Variants in EPAS1 observed in about 807,000 individuals in gnomAD.
EPAS1 encodes endothelial PAS domain-containing protein 1.
Under a neutral mutation model 87.9 loss-of-function variants are expected in EPAS1, and 23 were observed. That is an observed-to-expected ratio of 0.26 (90% CI 0.19 to 0.37). The LOEUF is 0.37. EPAS1 is among the 10% of genes least tolerant of loss of function. The pLI is 1.00. For synonymous variants in EPAS1, 508 were observed against 444.3 expected, an observed-to-expected ratio of 1.14 and a Z score of -1.80; for missense variants, 1,138 against 1,120.7, an observed-to-expected ratio of 1.02 and a Z score of -0.22.
At chr2:46,306,327 T>G (rs1397435773) in intron 1 of EPAS1, among the ~76,000 whole-genome samples, 1 of 152,220 alleles carries the variant, frequency 6.6e-6, no homozygotes, top group African/African-American at 2.4e-5. Context: ...AAGACCAGCA[T>G]GCTTTCCTTC....
rs1684967432 is a variant in EPAS1 at position 46,384,519 on chromosome 2, C to T, written c.2472C>T (p.Ser824=). 6.2e-7 allele frequency: 1 copy of T among 1,614,218 alleles called. No individual in the cohort carries two copies. Among genetic ancestry groups the T allele is most frequent in the Non-Finnish European group, 8.5e-7 (1 of 1,180,048 alleles). ...CAACCCTTCTTTCAGGCATGGCAAG[C>T]CGGCTGCTCGGGCCCTCATTTGAGT... ...SSAHKVSGMA[S]RLLGPSFESY... is the part of the protein sequence containing the mutation. Residue 824 remains serine, a synonymous_variant, in exon 16 of 16, where the codon AGC becomes AGT. Transcript: ENST00000263734.
At chr2:46,302,118 CTGTGTGTG>C (rs35880089) in intron 1 of EPAS1, among the ~76,000 whole-genome samples, 9 of 127,578 alleles carry the variant, frequency 7.1e-5, no homozygotes, top group East Asian at 2.5e-4. Context: ...CTCTTTCTCT[CTGTGTGTG>C]TGTGTGTGTG....
intron 4 of EPAS1, among the ~76,000 whole-genome samples, chr2:46,358,769 G>A (rs1684323450): frequency 1.3e-5 from 2 of 152,318 alleles, no homozygotes; most frequent in South Asian, 4.1e-4. Flanking sequence ...TTCACTGAAG[G>A]TGCCAGCCTA....
At chr2:46,369,756 G>C in intron 6 of EPAS1, 71 bp from the exon 7 acceptor site, 1 of 1,115,770 alleles carries the variant, frequency 9.0e-7, no homozygotes, top group Non-Finnish European at 1.3e-6. Flanking sequence ...TCTGGGGTTA[G>C]CTCCTGCCCA....
intron 1 of EPAS1, among the ~76,000 whole-genome samples, chr2:46,301,441 G>A (rs1162997454): frequency 6.6e-6 from 1 of 152,078 alleles, no homozygotes; most frequent in Non-Finnish European, 1.5e-5. Flanking sequence ...GCCGGGCGTG[G>A]TGGTGGGTGC....
Position 46,381,632 on chromosome 2 carries a change from G to T in EPAS1, c.2082G>T (p.Val694=), listed in dbSNP as rs1684893973. Residue 694 remains valine (V), a synonymous_variant, in exon 13 of 16, where the codon GTG becomes GTT. Coordinates refer to ENST00000263734, the MANE Select transcript of EPAS1 (RefSeq NM_001430.5). ...AKGFGARGPD[V]LSPAMVALSN... ...GTTTTGGGGCTCGAGGCCCAGACGT[G>T]CTGAGTCCGGCCATGGTAGCCCTCT... 6.2e-7 allele frequency: 1 copy of T among 1,614,008 alleles called. No individual in the cohort carries two copies. Among genetic ancestry groups the T allele is most frequent in the Non-Finnish European group, 8.5e-7 (1 of 1,180,040 alleles).
Position 46,378,066 on chromosome 2 carries a change from C to T in EPAS1, c.1422C>T (p.Ser474=), listed in dbSNP as rs1293640518. ...GCAGCACCACCCCCAGTGCCACCAG[C>T]AGCAGCAGCAGCTGCTCCACGGTGA... is the stretch of plus-strand genomic sequence containing the variant. The part of the protein sequence containing the change: ...APGSTTPSAT[S]SSSSCSTPNS... Residue 474 remains serine, a synonymous_variant, in exon 10 of 16, where the codon AGC becomes AGT. Transcript: ENST00000263734. 5 of 1,605,002 alleles carry T rather than the reference C, an allele frequency of 3.1e-6. No homozygotes were observed. The East Asian group carries it at 1.1e-4, about 36-fold the overall frequency.
At chr2:46,372,088 T>C (rs1011363400) in intron 7 of EPAS1, among the ~76,000 whole-genome samples, 5 of 152,200 alleles carry the variant, frequency 3.3e-5, no homozygotes, top group African/African-American at 1.2e-4. Flanking sequence ...TTTTACTGAA[T>C]CCGTGTATTT....
intron 6 of EPAS1, among the ~76,000 whole-genome samples, chr2:46,362,070 C>T (rs543557978): frequency 5.9e-5 from 9 of 152,302 alleles, no homozygotes; most frequent in African/African-American, 1.9e-4. Flanking sequence ...AGCAGCACCC[C>T]CCGCATGCGC....
At chr2:46,327,701 A>G (rs760969382) in intron 1 of EPAS1, among the ~76,000 whole-genome samples, 2 of 152,250 alleles carry the variant, frequency 1.3e-5, no homozygotes, top group Non-Finnish European at 1.5e-5. Flanking sequence ...TGACAATTCC[A>G]TTAGAATATA....
chr2:46,352,630 C>A (rs1684192539), intron 2 of EPAS1, among the ~76,000 whole-genome samples: 1 of 152,176 alleles, frequency 6.6e-6, no homozygotes, highest in Admixed American at 6.5e-5. Context: ...TTTTCACTCT[C>A]AGCTCCAAGC....
chr2:46,385,374 AAG>A lies in EPAS1; in HGVS notation c.*717_*718del, dbSNP rs886056096. On this transcript the variant is annotated 3_prime_UTR_variant, in exon 16 of 16. Coordinates refer to ENST00000263734, the MANE Select transcript of EPAS1 (RefSeq NM_001430.5). ...TCAAAAACATAACTGAGTTTTTTAA[AAG>A]AGGAGAAAATTTATATCTGGGTTAA... 9 of 152,560 alleles carry A rather than the reference AAG, an allele frequency of 5.9e-5. No homozygotes were observed. The highest frequency in any genetic ancestry group is 1.3e-4 in the Admixed American group (2 of 15,284). The allele number at this position is 152,560 out of a possible 1,614,324, so 9.5% of individuals were successfully genotyped here.
intron 6 of EPAS1, among the ~76,000 whole-genome samples, chr2:46,364,296 A>C (rs560800334): frequency 3.5e-4 from 54 of 152,366 alleles, no homozygotes; most frequent in African/African-American, 1.2e-3. Flanking sequence ...AATCTGAAGA[A>C]AATGTATGGC....
chr2:46,382,608 C>G lies in EPAS1; in HGVS notation c.2461+10C>G. ...GCCCACAAGGTGTCAGGTGGGTGTG[C>G]CCAGGATCTGTCACCCCCATCCCAG... is the stretch of plus-strand genomic sequence containing the variant. On this transcript the variant is annotated intron_variant, in intron 15 of 15. Coordinates refer to ENST00000263734, the MANE Select transcript of EPAS1 (RefSeq NM_001430.5). 2 of 1,613,982 alleles carry G rather than the reference C, an allele frequency of 1.2e-6. No individual in the cohort carries two copies. Among genetic ancestry groups the G allele is most frequent in the South Asian group, 2.2e-5 (2 of 91,088 alleles).
rs112054622 is a variant in EPAS1 at position 46,382,564 on chromosome 2, G to C, written c.2427G>C (p.Gln809His). The change falls in exon 15 of 16, where the codon CAG (glutamine) becomes CAC (histidine). Residue 809 changes from glutamine to histidine, a missense_variant. This residue lies in a region of EPAS1 where 502 missense variants were observed against 427.1 expected (regional missense o/e 1.18). Transcript: ENST00000263734. ...FPPQCYATQY[Q>H]DYSLSSAHKV... ...CACAGTGCTACGCCACCCAGTACCA[G>C]GACTACAGCCTGTCGTCAGCCCACA... 73 of 1,614,136 alleles carry C rather than the reference G, an allele frequency of 4.5e-5. No individual in the cohort carries two copies. In the African/African-American group the frequency reaches 7.6e-4, roughly 17 times the overall value.
chr2:46,340,655 G>A (rs368249536), intron 1 of EPAS1, among the ~76,000 whole-genome samples: 1 of 152,068 alleles, frequency 6.6e-6, no homozygotes, highest in East Asian at 1.9e-4. Context: ...TTTTTCTCTT[G>A]TCAAAGTCTG....
intron 1 of EPAS1, among the ~76,000 whole-genome samples, chr2:46,335,303 T>C (rs1383952156): frequency 6.6e-6 from 1 of 152,226 alleles, no homozygotes; most frequent in East Asian, 1.9e-4. Context: ...AATTAAAGTG[T>C]CTGAAATAAA....
At chr2:46,332,328 GTGTGTA>G (rs1683700361) in intron 1 of EPAS1, among the ~76,000 whole-genome samples, 1 of 139,000 alleles carries the variant, frequency 7.2e-6, no homozygotes, top group South Asian at 2.2e-4. Flanking sequence ...GTGTGTGTGT[GTGTGTA>G]TCAACTTGTT....
intron 1 of EPAS1, among the ~76,000 whole-genome samples, chr2:46,333,945 C>T (rs1683737251): frequency 1.3e-5 from 2 of 151,992 alleles, no homozygotes; most frequent in African/African-American, 4.8e-5. Flanking sequence ...GAGGCGTGTG[C>T]CCTGGGTGAA....
Sources: gnomAD v4.1 joint callset for allele counts (sites outside exome capture counted in the v4.1 genomes callset) on GRCh38, gnomAD v4.1.1 for gene constraint, gnomAD v4.1.1 regional missense constraint, MANE v1.5 for transcripts, NCBI Gene and HGNC (gene_info 2026-07-23, HGNC 2026-07-21) for gene names.